Variants in DNAJC11 observed in about 807,000 individuals in gnomAD.
The protein encoded by DNAJC11 is DnaJ heat shock protein family (Hsp40) member C11.
Under a neutral mutation model 78.6 loss-of-function variants are expected in DNAJC11, and 15 were observed. The observed-to-expected ratio is 0.19, with a 90% CI of 0.13 to 0.29. The LOEUF (loss-of-function observed/expected upper bound fraction) is 0.29. Ranked by LOEUF, DNAJC11 falls within the 10% of genes least tolerant of loss-of-function variation. The pLI is 1.00. For synonymous variants in DNAJC11, 292 were observed against 272.1 expected, an observed-to-expected ratio of 1.07 and a Z score of -0.72; for missense variants, 547 against 709.6, an observed-to-expected ratio of 0.77 and a Z score of 2.60.
Position 6,681,032 on chromosome 1 carries a change from A to T in DNAJC11, c.78T>A (p.Ser26=). 1 of 1,595,358 alleles carries T rather than the reference A, an allele frequency of 6.3e-7. No homozygotes were observed. The highest frequency in any genetic ancestry group is 8.5e-7 in the Non-Finnish European group (1 of 1,171,030). ...YSLLNVRREA[S]SEELKAAYRR... ...GGTAGGCAGCTTTCAGCTCTTCAGA[A>T]GAGGCCTAAAGAAAGAAAAATTCAA... Residue 26 remains serine, a synonymous_variant, in exon 2 of 16, where the codon TCT becomes TCA. Coordinates refer to ENST00000377577, the MANE Select transcript of DNAJC11 (RefSeq NM_018198.4).
At chr1:6,673,000 A>G (rs1231044497) in intron 3 of DNAJC11, among the ~76,000 whole-genome samples, 2 of 152,078 alleles carry the variant, frequency 1.3e-5, no homozygotes. Context: ...GTTTGAGACC[A>G]GCCTGGCCAA....
At chr1:6,661,303 A>G (rs1642208481) in intron 4 of DNAJC11, among the ~76,000 whole-genome samples, 2 of 152,224 alleles carry the variant, frequency 1.3e-5, no homozygotes, top group South Asian at 4.1e-4. Context: ...TGAACCCAGC[A>G]TGGCACTCAT....
chr1:6,634,390 C>A lies in DNAJC11; in HGVS notation c.*1285G>T. 2 of 1,205,886 alleles carry A rather than the reference C, an allele frequency of 1.7e-6. No homozygotes were observed. The highest frequency in any genetic ancestry group is 2.2e-6 in the Non-Finnish European group (2 of 927,642). 74.7% of individuals were successfully genotyped at this position (1,205,886 alleles called of 1,614,324 possible). A position where few individuals can be genotyped will look rare whatever the true frequency, so the allele number is the denominator to read the frequency against. On this transcript the variant is annotated 3_prime_UTR_variant, in exon 16 of 16. Transcript: ENST00000377577. Reference sequence around the variant, plus strand: ...ATGTTACAGAATTGGACAACCCGAACTGCTTTTCAAAACCAGAGGAAGGAG... The same window carrying A: ...ATGTTACAGAATTGGACAACCCGAAATGCTTTTCAAAACCAGAGGAAGGAG...
intron 3 of DNAJC11, among the ~76,000 whole-genome samples, chr1:6,676,344 T>C (rs1004094958): frequency 6.6e-6 from 1 of 152,040 alleles, no homozygotes; most frequent in Non-Finnish European, 1.5e-5. Flanking sequence ...CCTCCCAGGG[T>C]TGAAATGTTA....
chr1:6,643,554 T>C (rs138034511), intron 10 of DNAJC11, among the ~76,000 whole-genome samples: 2,475 of 152,092 alleles, frequency 0.016, 55 homozygotes, highest in African/African-American at 0.054. Context: ...GGATTACAGG[T>C]GTGAGCCACA....
Position 6,667,765 on chromosome 1 carries a change from C to G in DNAJC11, c.322G>C (p.Glu108Gln). ...RTPAEIREEF[E>Q]RLQREREERR... ...TCTTCTCTCTCTCTCTGCAGCCGCT[C>G]AAACTCCTCTCGAATTTCAGCAGGG... Residue 108 changes from glutamate (E) to glutamine (Q), a missense_variant, in exon 4 of 16, where the codon GAG becomes CAG. Glu to Gln is a conservative substitution (Grantham distance 29). Coordinates refer to ENST00000377577, the MANE Select transcript of DNAJC11 (RefSeq NM_018198.4). The G allele has an allele frequency of 6.2e-7, 1 of 1,614,106 alleles. No individual in the cohort carries two copies. The highest frequency in any genetic ancestry group is 8.5e-7 in the Non-Finnish European group (1 of 1,180,044).
chr1:6,669,525 G>GA (rs1642344496), intron 3 of DNAJC11, among the ~76,000 whole-genome samples: 1 of 130,434 alleles, frequency 7.7e-6, no homozygotes, highest in African/African-American at 3.4e-5. Flanking sequence ...GAAAAGAAAA[G>GA]AAAAGAAAAG....
At chr1:6,649,864 T>C (rs1642027093) in intron 7 of DNAJC11, among the ~76,000 whole-genome samples, 1 of 151,428 alleles carries the variant, frequency 6.6e-6, no homozygotes, top group Admixed American at 6.6e-5. Context: ...AGCGCCACCA[T>C]GCCTGGTTAA....
chr1:6,701,768 G>A lies in DNAJC11; in HGVS notation c.33C>T (p.Asp11=), dbSNP rs746964124. 12 of 1,566,844 alleles carry A rather than the reference G, an allele frequency of 7.7e-6. No individual in the cohort carries two copies. In the East Asian group the frequency reaches 2.5e-4, roughly 33 times the overall value. The change falls in exon 1 of 16, where the codon GAC becomes GAT. Residue 11 remains aspartate (D), a synonymous_variant. Transcript: ENST00000377577. ...TCAGCAACGAGTAATAGTCTTCATT[G>A]TCCAGCTCCTCCTCGCTCAAGGCCG... is the stretch of plus-strand genomic sequence containing the variant. MATALSEEEL[D]NEDYYSLLNV...
At chr1:6,689,681 C>T (rs747266700) in intron 1 of DNAJC11, among the ~76,000 whole-genome samples, 6 of 151,658 alleles carry the variant, frequency 4.0e-5, no homozygotes, top group Non-Finnish European at 7.4e-5. Flanking sequence ...GAGGCTGAGG[C>T]AGGAGAATTG....
chr1:6,653,977 T>G lies in DNAJC11; in HGVS notation c.441A>C (p.Glu147Asp). Residue 147 changes from glutamate to aspartate, a missense_variant, in exon 5 of 16, where the codon GAA (glutamate) becomes GAC (aspartate). By Grantham distance (45) the Glu-to-Asp change is conservative. Transcript: ENST00000377577. The surrounding 1 kb of genome is among the most constrained non-coding windows in gnomAD (Gnocchi z 4.5). ...GCGGAAAGCTACTGCCGGACACATC[T>G]TCATACTCCTCATCATAGCGATCAA... is the stretch of plus-strand genomic sequence containing the variant. ...DLFDRYDEEYEDVSGSSFPQI... is the reference protein window; with the variant it reads ...DLFDRYDEEYDDVSGSSFPQI... 1 of 1,613,692 alleles carries G rather than the reference T, an allele frequency of 6.2e-7. No individual in the cohort carries two copies.
chr1:6,646,444 G>A (rs1641967119), intron 7 of DNAJC11, among the ~76,000 whole-genome samples: 1 of 152,184 alleles, frequency 6.6e-6, no homozygotes, highest in Admixed American at 6.5e-5. Flanking sequence ...GTGTGGGCTT[G>A]GAGTGCTAAG....
intron 10 of DNAJC11, among the ~76,000 whole-genome samples, chr1:6,641,406 T>TACAC (rs70981395): frequency 0.18 from 24,582 of 140,042 alleles, 2,622 homozygotes; most frequent in Admixed American, 0.27. Flanking sequence ...TATATATATA[T>TACAC]ACACACACAC....
At chr1:6,642,981 C>T (rs919024899) in intron 10 of DNAJC11, among the ~76,000 whole-genome samples, 1 of 152,068 alleles carries the variant, frequency 6.6e-6, no homozygotes, top group African/African-American at 2.4e-5. Flanking sequence ...TGCAGTGGTG[C>T]CTCCATTTAG....
intron 1 of DNAJC11, among the ~76,000 whole-genome samples, chr1:6,696,958 G>T (rs946310593): frequency 6.6e-6 from 1 of 152,174 alleles, no homozygotes; most frequent in African/African-American, 2.4e-5. Context: ...AATAAATTAG[G>T]TTTGAAATGT....
intron 1 of DNAJC11, among the ~76,000 whole-genome samples, chr1:6,698,009 C>T (rs1195495317): frequency 6.6e-6 from 1 of 152,152 alleles, no homozygotes; most frequent in Non-Finnish European, 1.5e-5. Flanking sequence ...TCAGGATGGT[C>T]TCCATCTCCT....
At chr1:6,698,222 G>GT (rs2147889008) in intron 1 of DNAJC11, among the ~76,000 whole-genome samples, 1 of 152,278 alleles carries the variant, frequency 6.6e-6, no homozygotes, top group East Asian at 1.9e-4. Context: ...GTACTTTGAA[G>GT]TATCAGTGGG....
At chr1:6,655,870 G>A (rs1455166484) in intron 4 of DNAJC11, among the ~76,000 whole-genome samples, 2 of 152,022 alleles carry the variant, frequency 1.3e-5, no homozygotes, top group Non-Finnish European at 2.9e-5. Context: ...TTGGGAGGCC[G>A]AGGCAGGCGG....
At chr1:6,651,028 T>C (rs977756735) in intron 7 of DNAJC11, 1 of 533,086 alleles carries the variant, frequency 1.9e-6, no homozygotes, top group Admixed American at 1.9e-5. Context: ...ATATAGGAAA[T>C]GAAGACACTG....
Sources: gnomAD v4.1 joint callset for allele counts (sites outside exome capture counted in the v4.1 genomes callset) on GRCh38, gnomAD v4.1.1 for gene constraint, Gnocchi (gnomAD v3.1) non-coding constraint, MANE v1.5 for transcripts, NCBI Gene and HGNC (gene_info 2026-07-23, HGNC 2026-07-21) for gene names.